BACH2: variants seen among roughly 807,000 people sequenced by gnomAD.
The protein encoded by BACH2 is BACH transcriptional regulator 2.
A neutral mutation model predicts 61.8 loss-of-function variants in BACH2; 5 were observed. That is an observed-to-expected ratio of 0.08 (90% CI 0.04 to 0.17). The LOEUF (loss-of-function observed/expected upper bound fraction) is 0.17. Ranked by LOEUF, BACH2 falls within the 10% of genes least tolerant of loss-of-function variation. BACH2 has a pLI of 1.00. For missense variants in BACH2, 824 were observed against 1,091.1 expected, an observed-to-expected ratio of 0.76 and a Z score of 3.45; for synonymous variants, 446 against 440.1, an observed-to-expected ratio of 1.01 and a Z score of -0.17.
intron 2 of BACH2, among the ~76,000 whole-genome samples, chr6:90,254,119 C>G (rs1290155003): frequency 6.6e-6 from 1 of 150,566 alleles, no homozygotes; most frequent in African/African-American, 2.4e-5. Flanking sequence ...TCTCCAGGGC[C>G]AGAAATAAAC....
intron 3 of BACH2, among the ~76,000 whole-genome samples, chr6:90,229,148 C>T (rs978988549): frequency 2.6e-5 from 4 of 152,288 alleles, no homozygotes; most frequent in Middle Eastern, 3.4e-3. Context: ...CTCCCATTGC[C>T]GAGGTCACAT....
At chr6:90,073,374 T>C (rs1781328778) in intron 5 of BACH2, among the ~76,000 whole-genome samples, 1 of 152,232 alleles carries the variant, frequency 6.6e-6, no homozygotes, top group Non-Finnish European at 1.5e-5. Context: ...AATGCTCTCA[T>C]TCCTGGCATA....
chr6:90,130,145 A>G (rs1784031048), intron 4 of BACH2, among the ~76,000 whole-genome samples: 1 of 152,158 alleles, frequency 6.6e-6, no homozygotes, highest in Admixed American at 6.5e-5. Flanking sequence ...TGTTGGGATT[A>G]CAGGAGTAAG....
chr6:90,106,230 C>T (rs2127814061), intron 4 of BACH2, among the ~76,000 whole-genome samples: 1 of 152,294 alleles, frequency 6.6e-6, no homozygotes, highest in Non-Finnish European at 1.5e-5. Context: ...TTTTATTTGG[C>T]CTTCATAGCT....
At chr6:90,296,266 C>T (rs567123390) in intron 1 of BACH2, among the ~76,000 whole-genome samples, 128 of 151,970 alleles carry the variant, frequency 8.4e-4, no homozygotes, top group African/African-American at 3.0e-3. Context: ...GCGGCGCGGC[C>T]GCCGGCTCGG....
intron 3 of BACH2, among the ~76,000 whole-genome samples, chr6:90,222,714 A>G (rs1035294967): frequency 2.0e-5 from 3 of 152,136 alleles, no homozygotes; most frequent in Non-Finnish European, 4.4e-5. Context: ...TCTCCATTTT[A>G]AAGTTTAAAA....
intron 1 of BACH2, among the ~76,000 whole-genome samples, chr6:90,283,967 A>T (rs191783579): frequency 3.3e-5 from 5 of 152,128 alleles, no homozygotes; most frequent in Non-Finnish European, 7.4e-5. Context: ...AGATCGCACC[A>T]CTGCACTCCA....
intron 7 of BACH2, among the ~76,000 whole-genome samples, chr6:89,940,369 C>T (rs547151271): frequency 1.1e-4 from 16 of 152,256 alleles, no homozygotes; most frequent in Middle Eastern, 3.4e-3. Context: ...GCCCCAAGTG[C>T]GGAAGGTGAG....
intron 7 of BACH2, among the ~76,000 whole-genome samples, chr6:89,949,347 T>A (rs1030104512): frequency 4.6e-5 from 7 of 152,144 alleles, no homozygotes; most frequent in African/African-American, 1.7e-4. Context: ...GCTGGTACCT[T>A]GTCAATCAGC....
chr6:90,192,574 T>G (rs191165895), intron 4 of BACH2, among the ~76,000 whole-genome samples: 6 of 152,284 alleles, frequency 3.9e-5, no homozygotes, highest in African/African-American at 1.4e-4. Context: ...AATATCCTTT[T>G]CTCCCTCTTG....
intron 6 of BACH2, among the ~76,000 whole-genome samples, chr6:89,965,974 T>C (rs976223568): frequency 6.6e-6 from 1 of 152,146 alleles, no homozygotes; most frequent in Non-Finnish European, 1.5e-5. Context: ...TGAAGACATG[T>C]AGGTAGTTAA....
At chr6:90,051,422 A>G (rs1780041094) in intron 5 of BACH2, among the ~76,000 whole-genome samples, 1 of 152,238 alleles carries the variant, frequency 6.6e-6, no homozygotes, top group Non-Finnish European at 1.5e-5. Context: ...TTTTAAAACA[A>G]CAATTTATAG....
At chr6:90,086,355 A>C (rs1485506621) in intron 5 of BACH2, among the ~76,000 whole-genome samples, 1 of 152,170 alleles carries the variant, frequency 6.6e-6, no homozygotes, top group Non-Finnish European at 1.5e-5. Context: ...TATACCCAGA[A>C]GTGGAATTGC....
chr6:89,981,778 T>C (rs972510835), intron 6 of BACH2, among the ~76,000 whole-genome samples: 2 of 152,186 alleles, frequency 1.3e-5, no homozygotes, highest in African/African-American at 4.8e-5. Context: ...GCTTTGAGCC[T>C]TTCTTGTAAG....
intron 7 of BACH2, among the ~76,000 whole-genome samples, chr6:89,947,661 G>A (rs2128356005): frequency 1.3e-5 from 2 of 152,020 alleles, no homozygotes; most frequent in East Asian, 3.9e-4. Flanking sequence ...CGCCTCCCGG[G>A]CTCACGCCAT....
intron 6 of BACH2, among the ~76,000 whole-genome samples, chr6:89,956,326 C>T (rs1774425330): frequency 6.6e-6 from 1 of 152,122 alleles, no homozygotes; most frequent in South Asian, 2.1e-4. Context: ...AGAAAGTTAA[C>T]CCTCCAACCT....
At position 90,003,247 on chromosome 6, in the gene BACH2, G is replaced by C. The variant is rs148502357; in HGVS notation, c.243+5355C>G. 1.7e-3 allele frequency among the ~76,000 whole-genome samples: 255 copies of C among 152,184 alleles called. 1 individual carries two copies. The highest frequency in any genetic ancestry group is 6.0e-3 in the African/African-American group (248 of 41,526). On this transcript the variant is annotated intron_variant, in intron 6 of 8. Coordinates refer to ENST00000257749, the MANE Select transcript of BACH2 (RefSeq NM_021813.4). Reference sequence around the variant, plus strand: ...ACTCACCTCTCCCCACCCTGCCTTGGCTCACTCTGCTCCTGGGTGGCAAAC... The same window carrying C: ...ACTCACCTCTCCCCACCCTGCCTTGCCTCACTCTGCTCCTGGGTGGCAAAC...
chr6:90,024,285 C>T (rs187344121), intron 5 of BACH2, among the ~76,000 whole-genome samples: 1 of 152,224 alleles, frequency 6.6e-6, no homozygotes, highest in East Asian at 1.9e-4. Flanking sequence ...AAAAAAAACA[C>T]ACCCACACCT....
intron 5 of BACH2, among the ~76,000 whole-genome samples, chr6:90,053,162 GTAT>G (rs759833674): frequency 2.6e-5 from 4 of 152,108 alleles, no homozygotes; most frequent in African/African-American, 9.7e-5. Flanking sequence ...GTTTTACACA[GTAT>G]TTTAAACCAG....
Sources: gnomAD v4.1 joint callset for allele counts (sites outside exome capture counted in the v4.1 genomes callset) on GRCh38, gnomAD v4.1.1 for gene constraint, MANE v1.5 for transcripts, NCBI Gene and HGNC (gene_info 2026-07-23, HGNC 2026-07-21) for gene names.